ATAD2B: variants seen among roughly 807,000 people sequenced by gnomAD.
The protein encoded by ATAD2B is ATPase family AAA domain-containing protein 2B.
In ATAD2B, 40 loss-of-function variants were observed where a neutral mutation model predicts 167.6. That is an observed-to-expected ratio of 0.24 (90% CI 0.19 to 0.31). The LOEUF (loss-of-function observed/expected upper bound fraction) is 0.31. Among genes scored for constraint, ATAD2B ranks in the 10% least tolerant of loss-of-function variants. The probability of loss-of-function intolerance (pLI) is 1.00; values close to 1 mark genes in which losing one functional copy is unlikely to be tolerated. For missense variants in ATAD2B, 1,242 were observed against 1,757.2 expected, an observed-to-expected ratio of 0.71 and a Z score of 5.24; for synonymous variants, 579 against 596.5, an observed-to-expected ratio of 0.97 and a Z score of 0.43.
In ATAD2B at chr2:23,751,780, T is replaced by C. The variant is rs549679685; in HGVS notation, c.*266A>G. Reference sequence around the variant, plus strand: ...GGAGCAGAAGCGAGAGCAGTTTCTGTAGCACCAAAATCTCCAAGCTGTGGG... The same window carrying C: ...GGAGCAGAAGCGAGAGCAGTTTCTGCAGCACCAAAATCTCCAAGCTGTGGG... On this transcript the variant is annotated 3_prime_UTR_variant, in exon 28 of 28. Transcript: ENST00000238789. 3 of 471,746 alleles carry C rather than the reference T, an allele frequency of 6.4e-6. No homozygotes were observed. The highest frequency in any genetic ancestry group is 7.9e-5 in the East Asian group (2 of 25,240). The allele number at this position is 471,746 out of a possible 1,614,324, so 29.2% of individuals were successfully genotyped here. A position where few individuals can be genotyped will look rare whatever the true frequency, so the allele number is the denominator to read the frequency against.
At chr2:23,717,300 G>A in the ATAD2B span, among the ~76,000 whole-genome samples, 1 of 152,152 alleles carries the variant, frequency 6.6e-6, no homozygotes, top group African/African-American at 2.4e-5. Context: ...AGAGCAGTGG[G>A]CAGTGAGAGG....
chr2:23,895,014 C>A (rs1233088395), intron 2 of ATAD2B, among the ~76,000 whole-genome samples: 1 of 152,042 alleles, frequency 6.6e-6, no homozygotes, highest in Non-Finnish European at 1.5e-5. Flanking sequence ...AATTTACCTA[C>A]ACATATAAAA....
At chr2:23,868,041 C>G in intron 9 of ATAD2B, 95 bp from the exon 10 acceptor site, 1 of 750,550 alleles carries the variant, frequency 1.3e-6, no homozygotes. Context: ...CTTCATCTTT[C>G]TCCTTTTTCT....
intron 4 of ATAD2B, among the ~76,000 whole-genome samples, chr2:23,887,358 C>G (rs1573263632): frequency 6.6e-6 from 1 of 152,134 alleles, no homozygotes; most frequent in South Asian, 2.1e-4. Flanking sequence ...CCACACTTGG[C>G]TATCTTAGCA....
chr2:23,829,532 T>C (rs13019901), intron 14 of ATAD2B, among the ~76,000 whole-genome samples: 142,879 of 152,236 alleles, frequency 0.94, 67,117 homozygotes, highest in East Asian at 0.99. Context: ...AGGAGGATCG[T>C]TTATGTCCAG....
At chr2:23,691,895 T>C in the ATAD2B span, 32 of 1,545,288 alleles carry the variant, frequency 2.1e-5, no homozygotes, top group African/African-American at 4.0e-4. Context: ...GGGGGCCACA[T>C]ATGTCGCTTG....
chr2:23,715,801 G>A, the ATAD2B span, among the ~76,000 whole-genome samples: 1 of 152,066 alleles, frequency 6.6e-6, no homozygotes, highest in Admixed American at 6.5e-5. Flanking sequence ...CAGTGTGATA[G>A]GCAATTACTC....
At chr2:23,808,833 G>A (rs1685068974) in intron 18 of ATAD2B, among the ~76,000 whole-genome samples, 1 of 152,018 alleles carries the variant, frequency 6.6e-6, no homozygotes, top group South Asian at 2.1e-4. Context: ...GAACATTGCT[G>A]AAATGAGATT....
At chr2:23,755,096 G>A (rs1252918565) in intron 25 of ATAD2B, 1 of 162,836 alleles carries the variant, frequency 6.1e-6, no homozygotes, top group East Asian at 1.8e-4. Flanking sequence ...TTCACTCTAT[G>A]ACAGCTACCA....
intron 2 of ATAD2B, among the ~76,000 whole-genome samples, chr2:23,891,459 T>C (rs1159227304): frequency 6.6e-6 from 1 of 152,054 alleles, no homozygotes; most frequent in African/African-American, 2.4e-5. Context: ...GGGTTGGAGA[T>C]TTTTTTCCCT....
At chr2:23,920,980 G>A (rs1235076389) in intron 1 of ATAD2B, among the ~76,000 whole-genome samples, 3 of 152,004 alleles carry the variant, frequency 2.0e-5, no homozygotes, top group Non-Finnish European at 2.9e-5. Flanking sequence ...CGAGGCGGGC[G>A]GGTCGCCTGA....
chr2:23,790,403 T>C (rs1042124007), intron 19 of ATAD2B, among the ~76,000 whole-genome samples: 2 of 152,176 alleles, frequency 1.3e-5, no homozygotes, highest in African/African-American at 4.8e-5. Context: ...ATCCTAGACG[T>C]ACCACGATTT....
intron 17 of ATAD2B, among the ~76,000 whole-genome samples, chr2:23,813,232 T>C (rs1165302664): frequency 6.6e-6 from 1 of 151,408 alleles, no homozygotes; most frequent in Non-Finnish European, 1.5e-5. Flanking sequence ...AAGAATTTCA[T>C]ATACAATGAA....
intron 8 of ATAD2B, 30 bp from the exon 9 acceptor site, chr2:23,869,791 C>G (rs970213000): frequency 3.5e-6 from 5 of 1,437,434 alleles, no homozygotes; most frequent in Non-Finnish European, 4.7e-6. Flanking sequence ...TCCTTAAAAC[C>G]ATTATAATAG....
chr2:23,775,142 AT>A, intron 22 of ATAD2B, among the ~76,000 whole-genome samples: 1 of 152,236 alleles, frequency 6.6e-6, no homozygotes, highest in East Asian at 1.9e-4. Context: ...CTGGAAGGAA[AT>A]CAGAAAAATC....
At chr2:23,882,284 C>T (rs1019502693) in intron 6 of ATAD2B, among the ~76,000 whole-genome samples, 7 of 151,926 alleles carry the variant, frequency 4.6e-5, no homozygotes, top group Non-Finnish European at 8.8e-5. Context: ...AAACCTCTGC[C>T]TCTCGGGTTC....
chr2:23,764,865 G>A (rs1677202460), intron 23 of ATAD2B, among the ~76,000 whole-genome samples: 1 of 152,008 alleles, frequency 6.6e-6, no homozygotes, highest in Admixed American at 6.5e-5. Context: ...CTCTATCACT[G>A]CCTCCCTAGT....
At chr2:23,680,621 G>T in the ATAD2B span, among the ~76,000 whole-genome samples, 287 of 152,198 alleles carry the variant, frequency 1.9e-3, 1 homozygote, top group African/African-American at 6.7e-3. This position sits in a 1 kb window ranked among gnomAD's most constrained non-coding sequence, Gnocchi z 4.1. Flanking sequence ...GAGGGTCATG[G>T]GCTCTCTAGG....
At chr2:23,771,032 A>G (rs1252071740) in intron 22 of ATAD2B, among the ~76,000 whole-genome samples, 2 of 152,164 alleles carry the variant, frequency 1.3e-5, no homozygotes, top group African/African-American at 4.8e-5. Context: ...TTTTCAATGT[A>G]TAAGTCTTAC....
Sources: allele counts gnomAD v4.1 joint callset (sites outside exome capture counted in the v4.1 genomes callset), GRCh38; gene constraint gnomAD v4.1.1; non-coding constraint Gnocchi (gnomAD v3.1); transcripts MANE v1.5; gene names NCBI Gene and HGNC (gene_info 2026-07-23, HGNC 2026-07-21).